The following ASIC2 variants were observed in gnomAD, a reference collection of about 807,000 sequenced individuals.
The protein encoded by ASIC2 is acid-sensing ion channel 2.
A neutral mutation model predicts 57.3 loss-of-function variants in ASIC2; 25 were observed. That is an observed-to-expected ratio of 0.44 (90% CI 0.32 to 0.61). The LOEUF (loss-of-function observed/expected upper bound fraction) is 0.61. ASIC2 is among the 20% of genes least tolerant of loss of function. The probability of loss-of-function intolerance (pLI) is 0.06; values close to 1 mark genes in which losing one functional copy is unlikely to be tolerated. For missense variants in ASIC2, 641 were observed against 738.1 expected, an observed-to-expected ratio of 0.87 and a Z score of 1.52; for synonymous variants, 319 against 307.5, an observed-to-expected ratio of 1.04 and a Z score of -0.39.
rs368462328 is a variant in ASIC2 at position 33,599,216 on chromosome 17, C to A, written c.556-487149G>T. Among the ~76,000 whole-genome samples, 16 of 152,250 alleles carry A rather than the reference C, an allele frequency of 1.1e-4. 1 individual carries two copies. Among genetic ancestry groups the A allele is most frequent in the African/African-American group, 3.9e-4 (16 of 41,534 alleles). On this transcript the variant is annotated intron_variant, in intron 1 of 9. Transcript: ENST00000359872. ...ACCTTGGTGTGCATGGGATTAGGTG[C>A]ACAACTAGAGGAAGCTGTGCTTGCT...
chr17:33,112,132 T>G, intron 1 of ASIC2, 65 bp from the exon 2 acceptor site: 1 of 1,502,066 alleles, frequency 6.7e-7, no homozygotes, highest in South Asian at 1.3e-5. Context: ...GTCCAGAGAT[T>G]GGCGAGACCC....
chr17:33,114,430 C>T (rs1024720557), intron 1 of ASIC2, among the ~76,000 whole-genome samples: 8 of 152,214 alleles, frequency 5.3e-5, no homozygotes, highest in Admixed American at 5.2e-4. Context: ...TCTTTGTAGA[C>T]ACTCTAAATA....
chr17:33,023,181 T>C (rs2070029199), intron 6 of ASIC2, among the ~76,000 whole-genome samples: 1 of 152,082 alleles, frequency 6.6e-6, no homozygotes, highest in Admixed American at 6.5e-5. Context: ...CCTGGAAAAC[T>C]ATACATCCTT....
intron 1 of ASIC2, among the ~76,000 whole-genome samples, chr17:33,544,105 T>C (rs568712655): frequency 1.3e-5 from 2 of 152,300 alleles, no homozygotes; most frequent in South Asian, 4.1e-4. Context: ...TGGCCTTTTC[T>C]AGGGTGATGT....
chr17:33,051,739 C>A (rs377016474), intron 3 of ASIC2, among the ~76,000 whole-genome samples: 1 of 152,272 alleles, frequency 6.6e-6, no homozygotes. Context: ...CAGAATCTAG[C>A]GCACTGCCTA....
intron 1 of ASIC2, among the ~76,000 whole-genome samples, chr17:33,331,883 A>T (rs538632174): frequency 1.1e-4 from 16 of 152,370 alleles, no homozygotes; most frequent in African/African-American, 3.8e-4. Flanking sequence ...GGCAACTGCG[A>T]ATAGGACAAA....
intron 1 of ASIC2, among the ~76,000 whole-genome samples, chr17:33,972,445 G>C (rs1325522795): frequency 6.6e-6 from 1 of 152,184 alleles, no homozygotes; most frequent in Non-Finnish European, 1.5e-5. Flanking sequence ...GAGCTCCAGT[G>C]ATCTCTAGGC....
intron 1 of ASIC2, among the ~76,000 whole-genome samples, chr17:33,603,964 A>G (rs1905167910): frequency 6.6e-6 from 1 of 152,194 alleles, no homozygotes; most frequent in African/African-American, 2.4e-5. Context: ...GGAGGTTTTC[A>G]GGACTGGTCT....
intron 2 of ASIC2, among the ~76,000 whole-genome samples, chr17:33,094,615 G>A (rs1283806249): frequency 6.6e-6 from 1 of 152,188 alleles, no homozygotes; most frequent in African/African-American, 2.4e-5. Context: ...CCCCTCTGTG[G>A]TACCACAAAG....
At chr17:33,231,270 A>G (rs2142107830) in intron 1 of ASIC2, among the ~76,000 whole-genome samples, 1 of 152,318 alleles carries the variant, frequency 6.6e-6, no homozygotes, top group African/African-American at 2.4e-5. Flanking sequence ...GAGTAAATGT[A>G]TCTCCATGCC....
At chr17:33,066,524 G>A (rs993233776) in intron 3 of ASIC2, among the ~76,000 whole-genome samples, 4 of 152,058 alleles carry the variant, frequency 2.6e-5, no homozygotes, top group African/African-American at 4.8e-5. Context: ...GAAGATTTTC[G>A]GCTAAAAACT....
At chr17:33,580,707 G>T (rs2347548) in intron 1 of ASIC2, among the ~76,000 whole-genome samples, 80,920 of 151,972 alleles carry the variant, frequency 0.53, 22,862 homozygotes, top group African/African-American at 0.74. Flanking sequence ...CAGGTACTTC[G>T]TCAGTGGGAT....
chr17:33,018,948 G>A (rs80145221), intron 7 of ASIC2, among the ~76,000 whole-genome samples: 5,500 of 152,208 alleles, frequency 0.036, 145 homozygotes, highest in Middle Eastern at 0.068. Flanking sequence ...TGGCTGGGTG[G>A]GGTCCAGCAC....
intron 3 of ASIC2, among the ~76,000 whole-genome samples, chr17:33,080,344 A>C (rs1339131796): frequency 6.6e-6 from 1 of 152,124 alleles, no homozygotes; most frequent in South Asian, 2.1e-4. Context: ...GGGTTTAGCC[A>C]AAGAGATCTC....
chr17:33,430,967 G>C (rs143547323), intron 1 of ASIC2, among the ~76,000 whole-genome samples: 61 of 152,254 alleles, frequency 4.0e-4, no homozygotes, highest in South Asian at 1.2e-3. Flanking sequence ...AGCAGGTGAG[G>C]ACAAACCACT....
intron 1 of ASIC2, among the ~76,000 whole-genome samples, chr17:33,547,463 C>T (rs1268760047): frequency 2.0e-5 from 3 of 152,138 alleles, no homozygotes; most frequent in Admixed American, 6.5e-5. Context: ...TGTCTTTCCT[C>T]CTGGTCTGGA....
At chr17:33,539,758 C>T (rs1289105078) in intron 1 of ASIC2, among the ~76,000 whole-genome samples, 1 of 152,130 alleles carries the variant, frequency 6.6e-6, no homozygotes, top group African/African-American at 2.4e-5. Context: ...CAGGTGCTGA[C>T]CTTCGGGAGC....
At chr17:33,894,518 C>T (rs529726222) in intron 1 of ASIC2, among the ~76,000 whole-genome samples, 5 of 152,182 alleles carry the variant, frequency 3.3e-5, no homozygotes, top group South Asian at 2.1e-4. Context: ...AGAGTCATAT[C>T]GTTGTCCCTG....
At chr17:33,956,368 T>G (rs890499522) in intron 1 of ASIC2, among the ~76,000 whole-genome samples, 1 of 152,152 alleles carries the variant, frequency 6.6e-6, no homozygotes, top group Non-Finnish European at 1.5e-5. Context: ...TTCATATTTG[T>G]GAGGGAGTGA....
Sources: gnomAD v4.1 joint callset for allele counts (sites outside exome capture counted in the v4.1 genomes callset) on GRCh38, gnomAD v4.1.1 for gene constraint, MANE v1.5 for transcripts, NCBI Gene and HGNC (gene_info 2026-07-23, HGNC 2026-07-21) for gene names.